Variants in FNDC3A observed in about 807,000 individuals in gnomAD.
FNDC3A encodes fibronectin type-III domain-containing protein 3A.
A neutral mutation model predicts 148.9 loss-of-function variants in FNDC3A; 32 were observed. The observed-to-expected ratio is 0.21, with a 90% CI of 0.16 to 0.29. The LOEUF (loss-of-function observed/expected upper bound fraction) is 0.29. FNDC3A is among the 10% of genes least tolerant of loss of function. The pLI is 1.00. For missense variants in FNDC3A, 1,191 were observed against 1,452.8 expected, an observed-to-expected ratio of 0.82 and a Z score of 2.93; for synonymous variants, 472 against 473.6, an observed-to-expected ratio of 1.00 and a Z score of 0.04.
At chr13:49,084,027 A>G (rs1878650128) in intron 3 of FNDC3A, among the ~76,000 whole-genome samples, 1 of 152,212 alleles carries the variant, frequency 6.6e-6, no homozygotes, top group Non-Finnish European at 1.5e-5. Flanking sequence ...ACATAAGGTA[A>G]TTGAGCTAGT....
At chr13:49,129,595 T>G (rs1383196455) in intron 4 of FNDC3A, among the ~76,000 whole-genome samples, 1 of 152,170 alleles carries the variant, frequency 6.6e-6, no homozygotes, top group African/African-American at 2.4e-5. Flanking sequence ...TCAGGTAGGG[T>G]TCTAGATATT....
At chr13:49,172,169 GT>G in intron 11 of FNDC3A, 73 bp downstream of exon 11, 2 of 921,510 alleles carry the variant, frequency 2.2e-6, no homozygotes, top group Non-Finnish European at 3.4e-6. Flanking sequence ...TTTTTTGTTT[GT>G]TTTAATCATC....
chr13:49,001,862 TGCCTCC>T (rs1952131442), intron 1 of FNDC3A, among the ~76,000 whole-genome samples: 1 of 152,188 alleles, frequency 6.6e-6, no homozygotes, highest in East Asian at 1.9e-4. Context: ...GATCTTGCCC[TGCCTCC>T]ATTTGCCTTG....
At chr13:49,153,284 T>A (rs867151155) in intron 8 of FNDC3A, among the ~76,000 whole-genome samples, 6,159 of 152,140 alleles carry the variant, frequency 0.04, 370 homozygotes, top group African/African-American at 0.13. Flanking sequence ...GATGAGCATT[T>A]TTTCATGTGT....
At chr13:49,161,138 A>G (rs537113328) in intron 8 of FNDC3A, among the ~76,000 whole-genome samples, 3 of 152,152 alleles carry the variant, frequency 2.0e-5, no homozygotes, top group African/African-American at 7.2e-5. Flanking sequence ...TATTAGGTCC[A>G]GTTGGTGCAG....
chr13:49,115,325 G>C (rs989035067), intron 4 of FNDC3A, among the ~76,000 whole-genome samples: 4 of 152,108 alleles, frequency 2.6e-5, no homozygotes, highest in Non-Finnish European at 4.4e-5. Context: ...ATCTGCAGGT[G>C]TTCAATATCT....
chr13:49,018,192 A>G (rs966185803), intron 2 of FNDC3A, among the ~76,000 whole-genome samples: 2 of 151,934 alleles, frequency 1.3e-5, no homozygotes, highest in African/African-American at 4.8e-5. Context: ...TATCCTGCAG[A>G]GTGTTTTCCA....
chr13:49,110,230 T>G, intron 3 of FNDC3A: 2 of 775,574 alleles, frequency 2.6e-6, no homozygotes, highest in Non-Finnish European at 3.8e-6. Flanking sequence ...TGCCCTTTCC[T>G]GGGTCACTGC....
intron 4 of FNDC3A, among the ~76,000 whole-genome samples, chr13:49,125,584 C>T (rs564691046): frequency 6.6e-6 from 1 of 152,236 alleles, no homozygotes; most frequent in South Asian, 2.1e-4. Context: ...ACCCTAATAG[C>T]TTCATGGTGT....
intron 2 of FNDC3A, among the ~76,000 whole-genome samples, chr13:49,072,422 T>G (rs1475190829): frequency 6.6e-6 from 1 of 152,174 alleles, no homozygotes; most frequent in Non-Finnish European, 1.5e-5. Flanking sequence ...TGCATAGATT[T>G]ATTTCTGGGT....
intron 2 of FNDC3A, among the ~76,000 whole-genome samples, chr13:49,019,200 C>T (rs1393557863): frequency 6.6e-6 from 1 of 152,224 alleles, no homozygotes; most frequent in East Asian, 1.9e-4. Flanking sequence ...CCTCCCCCAG[C>T]CTCGCTGCTG....
rs1874701348 is a variant in FNDC3A at position 49,038,829 on chromosome 13, CTG to C, written c.99+32542_99+32543del. Among the ~76,000 whole-genome samples, 2 of 152,124 alleles carry C rather than the reference CTG, an allele frequency of 1.3e-5. 1 individual carries two copies. Among genetic ancestry groups the C allele is most frequent in the South Asian group, 4.1e-4 (2 of 4,828 alleles). On this transcript the variant is annotated intron_variant, in intron 2 of 25. Coordinates refer to ENST00000492622, the MANE Select transcript of FNDC3A (RefSeq NM_001079673.2). Reference sequence around the variant, plus strand: ...ATAAGGCGAGAAAGTTAACTTATATCTGTAAAATTGATGCCATTCATAAACAT... The same window carrying C: ...ATAAGGCGAGAAAGTTAACTTATATCTAAAATTGATGCCATTCATAAACAT...
rs755212867 is a variant in FNDC3A, at chr13:49,114,700, C to T, written c.221C>T (p.Pro74Leu). 6.2e-7 allele frequency: 1 copy of T among 1,612,960 alleles called. No homozygotes were observed. Among genetic ancestry groups the T allele is most frequent in the Admixed American group, 1.7e-5 (1 of 60,018 alleles). Reference sequence around the variant, plus strand: ...ATGTCCCCAAATGGTTCTGTGCCTCCTATCTATGTGCCTCCTGGATATGCC... The same window carrying T: ...ATGTCCCCAAATGGTTCTGTGCCTCTTATCTATGTGCCTCCTGGATATGCC... ...PMMSPNGSVP[P>L]IYVPPGYAPQ... Residue 74 changes from proline to leucine, a missense_variant, in exon 4 of 26, where the codon CCT becomes CTT. By Grantham distance (98) the Pro-to-Leu change is moderately conservative. Coordinates refer to ENST00000492622, the MANE Select transcript of FNDC3A (RefSeq NM_001079673.2).
chr13:49,130,262 C>G (rs577189073), intron 4 of FNDC3A, among the ~76,000 whole-genome samples: 40 of 151,356 alleles, frequency 2.6e-4, no homozygotes, highest in African/African-American at 8.7e-4. Flanking sequence ...TTCTAAGCCT[C>G]AAAGCCACAG....
intron 14 of FNDC3A, 54 bp from the exon 15 acceptor site, chr13:49,185,910 C>T: frequency 7.3e-7 from 1 of 1,371,648 alleles, no homozygotes; most frequent in Non-Finnish European, 1.0e-6. Context: ...TTTATTAAGC[C>T]AGTATCATTA....
intron 8 of FNDC3A, among the ~76,000 whole-genome samples, chr13:49,159,117 C>A (rs1217518451): frequency 6.6e-6 from 1 of 152,050 alleles, no homozygotes; most frequent in Non-Finnish European, 1.5e-5. Flanking sequence ...TTTTTTGGTT[C>A]CATATGAACT....
intron 3 of FNDC3A, among the ~76,000 whole-genome samples, chr13:49,098,885 T>G (rs1055132641): frequency 1.3e-5 from 2 of 152,164 alleles, no homozygotes; most frequent in African/African-American, 4.8e-5. Flanking sequence ...CATCTAAGCA[T>G]GAATAATGAC....
intron 2 of FNDC3A, among the ~76,000 whole-genome samples, chr13:49,049,938 G>A (rs965374993): frequency 6.6e-6 from 1 of 151,892 alleles, no homozygotes; most frequent in Non-Finnish European, 1.5e-5. Context: ...CAGGCTGGTC[G>A]TGAACTCCTG....
chr13:49,109,792 A>T (rs553152943), intron 3 of FNDC3A, among the ~76,000 whole-genome samples: 250 of 152,350 alleles, frequency 1.6e-3, no homozygotes, highest in African/African-American at 5.6e-3. Flanking sequence ...TAAGAGGCAA[A>T]TAACAGCCTG....
Sources: gnomAD v4.1 joint callset for allele counts (sites outside exome capture counted in the v4.1 genomes callset) on GRCh38, gnomAD v4.1.1 for gene constraint, MANE v1.5 for transcripts, NCBI Gene and HGNC (gene_info 2026-07-23, HGNC 2026-07-21) for gene names.